Variants in THEM4 observed in about 807,000 individuals in gnomAD.
The protein encoded by THEM4 is thioesterase superfamily member 4, also known as acyl-coenzyme A thioesterase THEM4.
THEM4 carries 22 observed loss-of-function variants against 25.0 expected under a neutral mutation model. That is an observed-to-expected ratio of 0.88 (90% CI 0.63 to 1.26). The LOEUF (loss-of-function observed/expected upper bound fraction) is 1.26, where lower values mean the gene tolerates loss of function less well. THEM4 is among the 50% of genes most tolerant of loss of function. THEM4 has a pLI of 0.00. For synonymous variants in THEM4, 113 were observed against 105.6 expected (o/e 1.07, Z -0.43); for missense variants, 286 against 300.3 (o/e 0.95, Z 0.35).
In THEM4 at chr1:151,874,703, T is replaced by G; in HGVS notation, c.*185A>C. 1 of 670,546 alleles carries G rather than the reference T, an allele frequency of 1.5e-6. No homozygotes were observed. The allele number at this position is 670,546 out of a possible 1,614,324, so 41.5% of individuals were successfully genotyped here. Reference sequence around the variant, plus strand: ...GAGTTGTCGATATGCTCGCAGGAAGTATTTCTGTGTTAAAAAGTTGAGAAG... The same window carrying G: ...GAGTTGTCGATATGCTCGCAGGAAGGATTTCTGTGTTAAAAAGTTGAGAAG... On this transcript the variant is annotated 3_prime_UTR_variant, in exon 6 of 6. Transcript: ENST00000368814.
chr1:151,890,089 A>G, intron 2 of THEM4: 1 of 366,414 alleles, frequency 2.7e-6, no homozygotes, highest in Non-Finnish European at 5.6e-6. Flanking sequence ...TATTTTTAGT[A>G]GAGACGGGGT....
Position 151,871,937 on chromosome 1 carries a change from G to A in THEM4, c.*2951C>T, listed in dbSNP as rs894171273. ...ATGAGCAGCGCTGGCTTATTCCTTCGGAGTCATATTTTTTAACATGTGAAA... is the reference window on the plus strand; with the variant it reads ...ATGAGCAGCGCTGGCTTATTCCTTCAGAGTCATATTTTTTAACATGTGAAA... On this transcript the variant is annotated 3_prime_UTR_variant, in exon 6 of 6. Coordinates refer to ENST00000368814, the MANE Select transcript of THEM4 (RefSeq NM_053055.5). Among the ~76,000 whole-genome samples the A allele has an allele frequency of 1.1e-4, 17 of 152,244 alleles. No individual in the cohort carries two copies. In the South Asian group the frequency reaches 2.1e-3, roughly 19 times the overall value.
In THEM4 at chr1:151,874,209, T is replaced by C. The variant is rs901897960; in HGVS notation, c.*679A>G. On this transcript the variant is annotated 3_prime_UTR_variant, in exon 6 of 6. Transcript: ENST00000368814. ...AGCTTTCTAACTTACTAACTTACAA[T>C]GTATATGCATATGCACATGCCTGTG... 4.6e-5 allele frequency: 7 copies of C among 152,280 alleles called. No individual in the cohort carries two copies. The highest frequency in any genetic ancestry group is 8.8e-5 in the Non-Finnish European group (6 of 68,074). The allele number at this position is 152,280 out of a possible 1,614,324, so 9.4% of individuals were successfully genotyped here. A position where few individuals can be genotyped will look rare whatever the true frequency, so the allele number is the denominator to read the frequency against.
Position 151,873,399 on chromosome 1 carries a change from T to G in THEM4, c.*1489A>C, listed in dbSNP as rs961189722. 6.6e-5 allele frequency among the ~76,000 whole-genome samples: 10 copies of G among 152,108 alleles called. No homozygotes were observed. The highest frequency in any genetic ancestry group is 5.9e-4 in the Admixed American group (9 of 15,280). ...ACCGGTCCCCTGGGCCCAGGGTTCTTTCTTTATACTTTGTCTCTGTGCCTT... is the reference window on the plus strand; with the variant it reads ...ACCGGTCCCCTGGGCCCAGGGTTCTGTCTTTATACTTTGTCTCTGTGCCTT... On this transcript the variant is annotated 3_prime_UTR_variant, in exon 6 of 6. Coordinates refer to ENST00000368814, the MANE Select transcript of THEM4 (RefSeq NM_053055.5).
intron 1 of THEM4, 141 bp downstream of exon 1, chr1:151,909,219 T>TTATGCTGCCCTGTG: frequency 1.6e-6 from 1 of 632,098 alleles, no homozygotes; most frequent in Non-Finnish European, 2.6e-6. Flanking sequence ...CCCCTGTTGC[T>TTATGCTGCCCTGTG]TATGCTGCCC....
chr1:151,907,746 A>G (rs1654503377), intron 1 of THEM4, among the ~76,000 whole-genome samples: 1 of 152,216 alleles, frequency 6.6e-6, no homozygotes, highest in Non-Finnish European at 1.5e-5. Context: ...TTGGGGGGAC[A>G]GCAACGGCAC....
intron 1 of THEM4, among the ~76,000 whole-genome samples, chr1:151,901,209 T>C (rs911811959): frequency 3.9e-5 from 6 of 152,220 alleles, no homozygotes; most frequent in African/African-American, 7.2e-5. Context: ...TTTCTGTGTG[T>C]CTTTAATTTC....
chr1:151,893,850 T>C (rs1440833803), intron 2 of THEM4, among the ~76,000 whole-genome samples: 3 of 151,468 alleles, frequency 2.0e-5, no homozygotes, highest in Non-Finnish European at 4.4e-5. Flanking sequence ...TTGAGAGCCT[T>C]CTTTTTCTCT....
intron 2 of THEM4, among the ~76,000 whole-genome samples, chr1:151,892,002 C>G (rs1173600851): frequency 6.6e-6 from 1 of 152,024 alleles, no homozygotes. Context: ...GTCACCCAGG[C>G]TTGTCTCAAA....
intron 4 of THEM4, among the ~76,000 whole-genome samples, chr1:151,885,131 A>G (rs1653938802): frequency 8.5e-6 from 1 of 117,340 alleles, no homozygotes; most frequent in African/African-American, 3.2e-5. Context: ...TTATTTATTT[A>G]TTTTTCTGAT....
At chr1:151,876,187 T>C (rs1359785223) in intron 5 of THEM4, among the ~76,000 whole-genome samples, 2 of 152,234 alleles carry the variant, frequency 1.3e-5, no homozygotes, top group Non-Finnish European at 2.9e-5. Context: ...TTCTTATTTA[T>C]GGTATCACAA....
At position 151,877,049 on chromosome 1, in the gene THEM4, AG is replaced by A; in HGVS notation, c.633del (p.Cys212ValfsTer20). 1 of 1,613,760 alleles carries A rather than the reference AG, an allele frequency of 6.2e-7. No individual in the cohort carries two copies. Among genetic ancestry groups the A allele is most frequent in the South Asian group, 1.1e-5 (1 of 91,008 alleles). On this transcript the variant is annotated frameshift_variant, in exon 5 of 6. Coordinates refer to ENST00000368814, the MANE Select transcript of THEM4 (RefSeq NM_053055.5). LOFTEE classifies it high-confidence loss of function. The part of the protein sequence containing the change: ...DKVEGRKFFV[S>X]CNVQSVDEKT... Reference sequence around the variant, plus strand: ...TTCTCATCAACACTCTGAACATTACAGGAAACAAAAAATTTCCTTCCTTCAA... The same window carrying A: ...TTCTCATCAACACTCTGAACATTACAGAAACAAAAAATTTCCTTCCTTCAA...
chr1:151,878,580 T>A (rs954362872), intron 4 of THEM4, among the ~76,000 whole-genome samples: 3 of 152,196 alleles, frequency 2.0e-5, no homozygotes, highest in Non-Finnish European at 1.5e-5. Context: ...ATATATTCCC[T>A]TTTTTGCTTA....
chr1:151,884,906 C>G (rs1219487786), intron 4 of THEM4, among the ~76,000 whole-genome samples: 1 of 151,870 alleles, frequency 6.6e-6, no homozygotes, highest in Non-Finnish European at 1.5e-5. Context: ...TCAGGCTAGT[C>G]TCAAACTCCT....
chr1:151,901,359 A>G (rs1654348377), intron 1 of THEM4, among the ~76,000 whole-genome samples: 1 of 152,230 alleles, frequency 6.6e-6, no homozygotes, highest in South Asian at 2.1e-4. Context: ...ACAGATACAT[A>G]CAGAACATTT....
In THEM4 at chr1:151,871,457, CCTT is replaced by C. The variant is rs1653553347; in HGVS notation, c.*3428_*3430del. 6.6e-6 allele frequency among the ~76,000 whole-genome samples: 1 copy of C among 152,216 alleles called. No homozygotes were observed. Among genetic ancestry groups the C allele is most frequent in the Admixed American group, 6.5e-5 (1 of 15,274 alleles). ...CTGGCAATTCTGATAGCATCTCTCT[CCTT>C]CTTTCTACCTGTTCTGCCACCTTTT... On this transcript the variant is annotated 3_prime_UTR_variant, in exon 6 of 6. Coordinates refer to ENST00000368814, the MANE Select transcript of THEM4 (RefSeq NM_053055.5).
Position 151,909,467 on chromosome 1 carries a change from G to C in THEM4, c.-9C>G, listed in dbSNP as rs746604108. On this transcript the variant is annotated 5_prime_UTR_variant, in exon 1 of 6. Transcript: ENST00000368814. The stretch of plus-strand genomic sequence containing the variant: ...GCGCAGCTCCTCAGCATGGCTCCGG[G>C]CCGCGGGGCCGCGCTTGCTCTAGCC... 2 of 1,379,722 alleles carry C rather than the reference G, an allele frequency of 1.4e-6. No individual in the cohort carries two copies. Among genetic ancestry groups the C allele is most frequent in the Non-Finnish European group, 9.3e-7 (1 of 1,075,666 alleles). 85.5% of individuals were successfully genotyped at this position (1,379,722 alleles called of 1,614,324 possible).
At chr1:151,907,264 C>T (rs947113498) in intron 1 of THEM4, among the ~76,000 whole-genome samples, 3 of 152,138 alleles carry the variant, frequency 2.0e-5, no homozygotes, top group East Asian at 1.9e-4. Context: ...TGAACACATC[C>T]GAACATCAGA....
intron 4 of THEM4, among the ~76,000 whole-genome samples, chr1:151,886,221 G>A (rs1653968419): frequency 6.6e-6 from 1 of 152,180 alleles, no homozygotes; most frequent in South Asian, 2.1e-4. Context: ...TTTTCAGTAT[G>A]TTTTCCAATT....
Sources: allele counts gnomAD v4.1 joint callset (sites outside exome capture counted in the v4.1 genomes callset), GRCh38; gene constraint gnomAD v4.1.1; transcripts MANE v1.5; gene names NCBI Gene and HGNC (gene_info 2026-07-23, HGNC 2026-07-21).